Variants in RFX1 observed in about 807,000 individuals in gnomAD.
RFX1 encodes the protein regulatory factor X1.
In RFX1, 42 loss-of-function variants were observed where a neutral mutation model predicts 119.6. The observed-to-expected ratio is 0.35, with a 90% CI of 0.27 to 0.45. The LOEUF is 0.45. Ranked by LOEUF, RFX1 falls within the 20% of genes least tolerant of loss-of-function variation. The pLI is 1.00. For synonymous variants in RFX1, 628 were observed against 618.5 expected, an observed-to-expected ratio of 1.02 and a Z score of -0.23; for missense variants, 1,118 against 1,368.1, an observed-to-expected ratio of 0.82 and a Z score of 2.88.
chr19:13,968,914 G>A lies in RFX1; in HGVS notation c.1497-20C>T. The A allele has an allele frequency of 6.5e-7, 1 of 1,543,938 alleles. No homozygotes were observed. Among genetic ancestry groups the A allele is most frequent in the Non-Finnish European group, 8.7e-7 (1 of 1,144,876 alleles). On this transcript the variant is annotated intron_variant, in intron 10 of 20. Transcript: ENST00000254325. This position sits in a 1 kb window ranked among gnomAD's most constrained non-coding sequence, Gnocchi z 5.5. ...TTGCCCCTGGGAGGGAGGTGGAGGGGAAGGGCTGGGCTGGGGGTCTGCCGG... is the reference window on the plus strand; with the variant it reads ...TTGCCCCTGGGAGGGAGGTGGAGGGAAAGGGCTGGGCTGGGGGTCTGCCGG...
At chr19:13,999,650 G>A (rs961567296) in intron 1 of RFX1, among the ~76,000 whole-genome samples, 1 of 151,840 alleles carries the variant, frequency 6.6e-6, no homozygotes, top group African/African-American at 2.4e-5. Flanking sequence ...GCAGGCCATA[G>A]TTTGTTGAAC....
intron 8 of RFX1, among the ~76,000 whole-genome samples, chr19:13,975,349 G>A (rs1264032232): frequency 7.5e-5 from 11 of 147,202 alleles, no homozygotes; most frequent in African/African-American, 2.0e-4. Flanking sequence ...CAACAAGAGG[G>A]AAACTCTATC....
At chr19:13,974,325 G>A (rs765002898) in intron 8 of RFX1, among the ~76,000 whole-genome samples, 3 of 152,196 alleles carry the variant, frequency 2.0e-5, no homozygotes, top group African/African-American at 7.2e-5. Context: ...ACCTATCCCA[G>A]GCTGGGGAAG....
chr19:13,978,198 C>A, intron 7 of RFX1, 112 bp from the exon 8 acceptor site: 1 of 718,724 alleles, frequency 1.4e-6, no homozygotes, highest in Non-Finnish European at 2.3e-6. Context: ...CTCCCGGACC[C>A]AAGGGTGGCT....
intron 18 of RFX1, 24 bp from the exon 19 acceptor site, chr19:13,963,299 A>ACCGTCAGGCC: frequency 6.3e-7 from 1 of 1,597,072 alleles, no homozygotes; most frequent in Non-Finnish European, 8.5e-7. Context: ...CGGAGAGGAG[A>ACCGTCAGGCC]CCGTCAGGCC....
chr19:13,975,448 A>C (rs1599487633), intron 8 of RFX1, among the ~76,000 whole-genome samples: 1 of 151,124 alleles, frequency 6.6e-6, no homozygotes, highest in Admixed American at 6.6e-5. Flanking sequence ...GTGGCAGGGG[A>C]GGGAGCCGCA....
Position 13,985,566 on chromosome 19 carries a change from C to T in RFX1, c.320-1971G>A, listed in dbSNP as rs1974564011. Among the ~76,000 whole-genome samples, 1 of 152,226 alleles carries T rather than the reference C, an allele frequency of 6.6e-6. No individual in the cohort carries two copies. The highest frequency in any genetic ancestry group is 2.4e-5 in the African/African-American group (1 of 41,458). ...TCTGTCCAAGGTCAAATGCACCATC[C>T]ACCGTGCAGGCCATGACGCAGGTTC... On this transcript the variant is annotated intron_variant, in intron 2 of 20. Coordinates refer to ENST00000254325, the MANE Select transcript of RFX1 (RefSeq NM_002918.5). This position sits in a 1 kb window ranked among gnomAD's most constrained non-coding sequence, Gnocchi z 4.3.
At position 13,972,251 on chromosome 19, in the gene RFX1, C is replaced by T. The variant is rs118048663; in HGVS notation, c.1314+492G>A. Among the ~76,000 whole-genome samples, 386 of 144,126 alleles carry T rather than the reference C, an allele frequency of 2.7e-3. 3 individuals carry two copies. The East Asian group carries it at 0.042, about 16-fold the overall frequency. The allele number at this position is 144,126 out of a possible 152,430, so 94.6% of individuals were successfully genotyped here. On this transcript the variant is annotated intron_variant, in intron 9 of 20. Transcript: ENST00000254325. ...TTGCTGTGTCTCCCAGGCTTGAGTG[C>T]GGTGGCGCAGTCTCCGCTCACTGCA...
chr19:13,999,454 TG>T (rs1240862636), intron 1 of RFX1, among the ~76,000 whole-genome samples: 1 of 152,226 alleles, frequency 6.6e-6, no homozygotes, highest in Non-Finnish European at 1.5e-5. Flanking sequence ...CACTGTAATG[TG>T]AAAGTGGCCA....
Position 13,965,356 on chromosome 19 carries a change from G to A in RFX1, c.2211+93C>T. ...CTCCACAGGCATCATCCCTGGAACA[G>A]GCGTGGGGACAAATTTTACCGCCCC... On this transcript the variant is annotated intron_variant, in intron 16 of 20. Coordinates refer to ENST00000254325, the MANE Select transcript of RFX1 (RefSeq NM_002918.5). This position sits in a 1 kb window ranked among gnomAD's most constrained non-coding sequence, Gnocchi z 4.7. 1 of 1,107,692 alleles carries A rather than the reference G, an allele frequency of 9.0e-7. No individual in the cohort carries two copies. Among genetic ancestry groups the A allele is most frequent in the South Asian group, 1.4e-5 (1 of 72,602 alleles). The allele number at this position is 1,107,692 out of a possible 1,614,324, so 68.6% of individuals were successfully genotyped here.
rs1974763083 is a variant in RFX1 at position 13,990,472 on chromosome 19, G to A, written c.319+3053C>T. On this transcript the variant is annotated intron_variant, in intron 2 of 20. Transcript: ENST00000254325. This position sits in a 1 kb window ranked among gnomAD's most constrained non-coding sequence, Gnocchi z 4.1. The stretch of plus-strand genomic sequence containing the variant: ...GAAGTGGGAGAATTGTTTGAGGCCA[G>A]GAGTTCAAGACCAGCCTGGGCAACA... Among the ~76,000 whole-genome samples the A allele has an allele frequency of 6.6e-6, 1 of 151,832 alleles. No individual in the cohort carries two copies. The highest frequency in any genetic ancestry group is 1.5e-5 in the Non-Finnish European group (1 of 67,968).
At position 13,972,795 on chromosome 19, in the gene RFX1, A is replaced by G. The variant is rs780581056; in HGVS notation, c.1262T>C (p.Leu421Pro). The change falls in exon 9 of 21, where the codon CTG (leucine) becomes CCG (proline). Residue 421 changes from leucine (L) to proline (P), a missense_variant. Coordinates refer to ENST00000254325, the MANE Select transcript of RFX1 (RefSeq NM_002918.5). ...GTYVIQGGYMLGSASQSYSHT... is the reference protein window; with the variant it reads ...GTYVIQGGYMPGSASQSYSHT... ...AGAGTAAGACTGGCTGGCACTGCCC[A>G]GCATGTAGCCGCCTTGGATCACGTA... is the stretch of plus-strand genomic sequence containing the variant. 1.1e-5 allele frequency: 17 copies of G among 1,608,526 alleles called. No homozygotes were observed. Among genetic ancestry groups the G allele is most frequent in the Non-Finnish European group, 1.4e-5 (17 of 1,178,072 alleles).
At chr19:13,963,333 C>T (rs1006650772) in intron 18 of RFX1, 58 bp from the exon 19 acceptor site, 1 of 1,549,128 alleles carries the variant, frequency 6.5e-7, no homozygotes, top group Non-Finnish European at 8.7e-7. Flanking sequence ...CCCCCTCTCC[C>T]CCTCCCCGCT....
intron 2 of RFX1, among the ~76,000 whole-genome samples, chr19:13,988,679 G>C (rs1272744398): frequency 6.6e-6 from 1 of 152,198 alleles, no homozygotes; most frequent in Admixed American, 6.5e-5. Flanking sequence ...CTGCCTGCAG[G>C]TGGGCACCCC....
rs775057554 is a variant in RFX1, at chr19:13,973,086, G to A, written c.971C>T (p.Thr324Met). 8.1e-6 allele frequency: 13 copies of A among 1,601,002 alleles called. No homozygotes were observed. The highest frequency in any genetic ancestry group is 6.7e-5 in the African/African-American group (5 of 74,896). ...GTAGTAGCTGGTGCTTGCCGTCTGC[G>A]TGTACAGCGGCGTCTCGGGATAGGA... ...TYSYPETPLYTQTASTSYYEA... is the reference protein window; with the variant it reads ...TYSYPETPLYMQTASTSYYEA... Residue 324 changes from threonine (T) to methionine (M), a missense_variant, in exon 9 of 21, where the codon ACG becomes ATG. Thr to Met is a moderately conservative substitution (Grantham distance 81, BLOSUM62 -1). Coordinates refer to ENST00000254325, the MANE Select transcript of RFX1 (RefSeq NM_002918.5).
chr19:14,000,549 C>A (rs1368107465), intron 1 of RFX1, among the ~76,000 whole-genome samples: 1 of 152,174 alleles, frequency 6.6e-6, no homozygotes, highest in Non-Finnish European at 1.5e-5. Flanking sequence ...ATAATCCCAC[C>A]ACTTTGGGAG....
At chr19:14,001,697 C>T (rs74566323) in intron 1 of RFX1, among the ~76,000 whole-genome samples, 1 of 152,238 alleles carries the variant, frequency 6.6e-6, no homozygotes, top group Non-Finnish European at 1.5e-5. Flanking sequence ...TCTGTCTCAG[C>T]TCCTAGAAAA....
intron 8 of RFX1, 68 bp from the exon 9 acceptor site, chr19:13,973,195 T>A: frequency 2.1e-6 from 1 of 480,356 alleles, no homozygotes; most frequent in Non-Finnish European, 3.4e-6. Flanking sequence ...GGCATGACTG[T>A]GCAGGAAGGG....
Position 13,966,070 on chromosome 19 carries a change from G to A in RFX1, c.1962-293C>T, listed in dbSNP as rs886380052. ...GCGTCAGAAGGGCACAGGTACCCCCGTCCCCAGGTAAGTACCCCCTGCCTC... is the reference window on the plus strand; with the variant it reads ...GCGTCAGAAGGGCACAGGTACCCCCATCCCCAGGTAAGTACCCCCTGCCTC... On this transcript the variant is annotated intron_variant, in intron 14 of 20. Transcript: ENST00000254325. This position sits in a 1 kb window ranked among gnomAD's most constrained non-coding sequence, Gnocchi z 6.3. 5.3e-5 allele frequency among the ~76,000 whole-genome samples: 8 copies of A among 152,068 alleles called. No homozygotes were observed. Among genetic ancestry groups the A allele is most frequent in the African/African-American group, 1.7e-4 (7 of 41,386 alleles).
Sources: allele counts gnomAD v4.1 joint callset (sites outside exome capture counted in the v4.1 genomes callset), GRCh38; gene constraint gnomAD v4.1.1; non-coding constraint Gnocchi (gnomAD v3.1); transcripts MANE v1.5; gene names NCBI Gene and HGNC (gene_info 2026-07-23, HGNC 2026-07-21).